Variants in ATF7IP observed in about 807,000 individuals in gnomAD.
ATF7IP encodes activating transcription factor 7-interacting protein 1.
A neutral mutation model predicts 106.4 loss-of-function variants in ATF7IP; 23 were observed. The observed-to-expected ratio is 0.22, with a 90% CI of 0.16 to 0.31. ATF7IP has a LOEUF of 0.31. Among genes scored for constraint, ATF7IP ranks in the 10% least tolerant of loss-of-function variants. The pLI, the probability that ATF7IP is intolerant of heterozygous loss-of-function variation, is 1.00. For missense variants in ATF7IP, 1,334 were observed against 1,524.3 expected (o/e 0.88, Z 2.08); for synonymous variants, 542 against 539.0 (o/e 1.01, Z -0.08).
chr12:14,420,109 C>T (rs1426920405), intron 1 of ATF7IP: 1 of 152,032 alleles, frequency 6.6e-6, no homozygotes, highest in Non-Finnish European at 1.5e-5. Flanking sequence ...ATAATGTTCA[C>T]TATGGGGAAA....
At chr12:14,477,414 A>G (rs963250503) in intron 11 of ATF7IP, among the ~76,000 whole-genome samples, 1 of 152,188 alleles carries the variant, frequency 6.6e-6, no homozygotes, top group Non-Finnish European at 1.5e-5. Flanking sequence ...TGCTTTCACT[A>G]ATTTTTAATA....
At chr12:14,471,523 A>G (rs894354901) in intron 10 of ATF7IP, among the ~76,000 whole-genome samples, 1 of 152,126 alleles carries the variant, frequency 6.6e-6, no homozygotes, top group Non-Finnish European at 1.5e-5. Context: ...TGACATTAAC[A>G]TAGTTACAGC....
chr12:14,453,952 AT>A (rs1483300602), intron 6 of ATF7IP, among the ~76,000 whole-genome samples: 1 of 152,088 alleles, frequency 6.6e-6, no homozygotes, highest in Non-Finnish European at 1.5e-5. Flanking sequence ...GTTATTTTGA[AT>A]TCATTGGCAG....
intron 13 of ATF7IP, among the ~76,000 whole-genome samples, chr12:14,485,269 T>C (rs1944562136): frequency 6.6e-6 from 1 of 151,828 alleles, no homozygotes; most frequent in Admixed American, 6.6e-5. Flanking sequence ...CACACCCACA[T>C]GAGGAATGTG....
chr12:14,431,498 G>T (rs976504825), intron 2 of ATF7IP, among the ~76,000 whole-genome samples: 2 of 151,614 alleles, frequency 1.3e-5, no homozygotes. Flanking sequence ...GGGTTCAAGC[G>T]ACTCTCCTGT....
chr12:14,478,513 C>T (rs1351751236), intron 12 of ATF7IP, 41 bp downstream of exon 12: 13 of 1,605,382 alleles, frequency 8.1e-6, no homozygotes, highest in African/African-American at 1.3e-5. Flanking sequence ...TTGGTTTTGC[C>T]TGTAGAGAAC....
intron 12 of ATF7IP, among the ~76,000 whole-genome samples, chr12:14,480,536 A>G (rs529135632): frequency 6.6e-6 from 1 of 152,332 alleles, no homozygotes; most frequent in Non-Finnish European, 1.5e-5. Context: ...TGAAAAATAA[A>G]TGTGAATTAA....
At chr12:14,475,777 C>CATATAGT in intron 10 of ATF7IP, 113 bp from the exon 11 acceptor site, 1 of 712,078 alleles carries the variant, frequency 1.4e-6, no homozygotes, top group East Asian at 2.8e-5. Flanking sequence ...TTTAAGGGTC[C>CATATAGT]AGATTGAACC....
intron 13 of ATF7IP, chr12:14,481,483 G>C (rs763273446): frequency 1.3e-4 from 61 of 456,192 alleles, no homozygotes; most frequent in Non-Finnish European, 2.1e-4. Context: ...ATTCTGCAGT[G>C]TATGCATATT....
intron 6 of ATF7IP, among the ~76,000 whole-genome samples, chr12:14,449,010 T>C (rs771487089): frequency 3.9e-5 from 6 of 152,314 alleles, no homozygotes; most frequent in Admixed American, 2.0e-4. Flanking sequence ...TTATTTTTGT[T>C]GTTGTTACTA....
intron 1 of ATF7IP, among the ~76,000 whole-genome samples, chr12:14,418,302 A>T (rs968872266): frequency 6.6e-6 from 1 of 152,148 alleles, no homozygotes; most frequent in African/African-American, 2.4e-5. Flanking sequence ...TCTCATCCTC[A>T]TGAAAAAAAT....
rs1365034059 is a variant in ATF7IP, at chr12:14,501,864, A to G, written c.*3791A>G. 1 of 152,208 alleles carries G rather than the reference A, an allele frequency of 6.6e-6. No individual in the cohort carries two copies. Among genetic ancestry groups the G allele is most frequent in the Non-Finnish European group, 1.5e-5 (1 of 68,052 alleles). 9.4% of individuals were successfully genotyped at this position (152,208 alleles called of 1,614,324 possible). A position where few individuals can be genotyped will look rare whatever the true frequency, so the allele number is the denominator to read the frequency against. ...TGTTGTTTGCTCTTTTGCTTTAAATATTCTCCAAATTACCATTTATGCAAC... is the reference window on the plus strand; with the variant it reads ...TGTTGTTTGCTCTTTTGCTTTAAATGTTCTCCAAATTACCATTTATGCAAC... On this transcript the variant is annotated 3_prime_UTR_variant, in exon 15 of 15. Transcript: ENST00000261168.
At chr12:14,497,015 G>C (rs539350264) in intron 14 of ATF7IP, among the ~76,000 whole-genome samples, 1 of 152,200 alleles carries the variant, frequency 6.6e-6, no homozygotes, top group East Asian at 1.9e-4. Flanking sequence ...GTTAATACTT[G>C]TTCTTGTCCA....
At chr12:14,495,115 G>T (rs549156941) in intron 13 of ATF7IP, among the ~76,000 whole-genome samples, 4 of 152,008 alleles carry the variant, frequency 2.6e-5, no homozygotes, top group Non-Finnish European at 5.9e-5. Flanking sequence ...TCCTTTTCAC[G>T]TTTTTCTGCC....
At chr12:14,383,358 A>G (rs1279107710) in intron 1 of ATF7IP, among the ~76,000 whole-genome samples, 7 of 152,182 alleles carry the variant, frequency 4.6e-5, no homozygotes, top group Non-Finnish European at 7.4e-5. Flanking sequence ...GTGTTCCATA[A>G]TTTAAATCTT....
At chr12:14,491,203 A>G (rs1025456518) in intron 13 of ATF7IP, among the ~76,000 whole-genome samples, 3 of 152,328 alleles carry the variant, frequency 2.0e-5, no homozygotes, top group East Asian at 1.9e-4. Context: ...GTTCTGGACC[A>G]CACTCAAAAC....
At chr12:14,493,471 T>C (rs533813450) in intron 13 of ATF7IP, among the ~76,000 whole-genome samples, 1 of 152,262 alleles carries the variant, frequency 6.6e-6, no homozygotes, top group South Asian at 2.1e-4. Context: ...GGGGAAGCCA[T>C]CACTCTTGCC....
At position 14,475,975 on chromosome 12, in the gene ATF7IP, C is replaced by T; in HGVS notation, c.2941+7C>T. 2 of 1,608,184 alleles carry T rather than the reference C, an allele frequency of 1.2e-6. No homozygotes were observed. The highest frequency in any genetic ancestry group is 1.7e-6 in the Non-Finnish European group (2 of 1,174,816). ...GAGAGTGGAGCTTCACAAGGTACTT[C>T]AATAGTAATTGTACTAAGCAACGTT... On this transcript the variant is annotated splice_region_variant and intron_variant, in intron 11 of 14. Coordinates refer to ENST00000261168, the MANE Select transcript of ATF7IP (RefSeq NM_018179.5).
chr12:14,454,448 A>C (rs1399978666), intron 6 of ATF7IP, among the ~76,000 whole-genome samples: 1 of 152,222 alleles, frequency 6.6e-6, no homozygotes, highest in Non-Finnish European at 1.5e-5. Flanking sequence ...TTAGTCCTCC[A>C]TGTTGGGTAA....
Sources: gnomAD v4.1 joint callset for allele counts (sites outside exome capture counted in the v4.1 genomes callset) on GRCh38, gnomAD v4.1.1 for gene constraint, MANE v1.5 for transcripts, NCBI Gene and HGNC (gene_info 2026-07-23, HGNC 2026-07-21) for gene names.